BANK1: variants seen among roughly 807,000 people sequenced by gnomAD.
The protein encoded by BANK1 is B cell scaffold protein with ankyrin repeats 1, also known as B-cell scaffold protein with ankyrin repeats.
BANK1 carries 95 observed loss-of-function variants against 94.5 expected under a neutral mutation model. The observed-to-expected ratio is 1.00, with a 90% confidence interval of 0.85 to 1.19. The LOEUF (loss-of-function observed/expected upper bound fraction) is 1.19, where lower values mean the gene tolerates loss of function less well. Among genes scored for constraint, BANK1 ranks in the 50% most tolerant of loss-of-function variants. The probability of loss-of-function intolerance (pLI) is 0.00; values close to 1 mark genes in which losing one functional copy is unlikely to be tolerated. For synonymous variants in BANK1, 334 were observed against 308.4 expected (o/e 1.08, Z -0.87); for missense variants, 987 against 932.2 (o/e 1.06, Z -0.77).
intron 7 of BANK1, among the ~76,000 whole-genome samples, chr4:102,017,187 T>C (rs983142440): frequency 6.6e-6 from 1 of 152,228 alleles, no homozygotes; most frequent in African/African-American, 2.4e-5. Flanking sequence ...AAGGTAGTTA[T>C]CTTTTACATT....
At chr4:102,010,503 C>G (rs1486946440) in intron 7 of BANK1, among the ~76,000 whole-genome samples, 2 of 150,778 alleles carry the variant, frequency 1.3e-5, no homozygotes, top group African/African-American at 4.9e-5. Flanking sequence ...AGCAACTCTC[C>G]TGCCTCAGCC....
At chr4:101,849,532 C>T (rs957668795) in intron 2 of BANK1, among the ~76,000 whole-genome samples, 1 of 151,936 alleles carries the variant, frequency 6.6e-6, no homozygotes, top group Non-Finnish European at 1.5e-5. Context: ...CACACACACA[C>T]AAATATATAA....
At chr4:101,882,890 A>G (rs1728730028) in intron 5 of BANK1, among the ~76,000 whole-genome samples, 1 of 151,804 alleles carries the variant, frequency 6.6e-6, no homozygotes, top group African/African-American at 2.4e-5. Context: ...CTGTCCGTCC[A>G]AAGGAGAAGC....
chr4:102,020,217 T>A (rs1158297458), intron 7 of BANK1, among the ~76,000 whole-genome samples: 2 of 152,024 alleles, frequency 1.3e-5, no homozygotes, highest in East Asian at 3.9e-4. Flanking sequence ...GTACTATGGG[T>A]TTTCAAAATA....
chr4:101,843,882 G>A (rs766380741), intron 2 of BANK1, among the ~76,000 whole-genome samples: 20 of 152,136 alleles, frequency 1.3e-4, no homozygotes, highest in Middle Eastern at 6.8e-3. Flanking sequence ...ATACCACACC[G>A]TTGCACTCCA....
intron 7 of BANK1, among the ~76,000 whole-genome samples, chr4:101,951,585 T>C (rs1330433273): frequency 6.6e-6 from 1 of 152,116 alleles, no homozygotes; most frequent in African/African-American, 2.4e-5. Flanking sequence ...TTAGACTGTT[T>C]CTTTGTAAGA....
chr4:101,971,369 T>A (rs900834625), intron 7 of BANK1, among the ~76,000 whole-genome samples: 14 of 152,110 alleles, frequency 9.2e-5, no homozygotes, highest in Non-Finnish European at 1.8e-4. Flanking sequence ...ATGGTAAGAC[T>A]TGAGATACAG....
At chr4:101,804,041 A>AG (rs1411396122) in intron 1 of BANK1, among the ~76,000 whole-genome samples, 11 of 150,630 alleles carry the variant, frequency 7.3e-5, no homozygotes, top group Non-Finnish European at 1.2e-4. Context: ...ATATAAAAAA[A>AG]AGAAAAAATT....
intron 1 of BANK1, among the ~76,000 whole-genome samples, chr4:101,816,078 C>A (rs1180040414): frequency 6.6e-6 from 1 of 152,142 alleles, no homozygotes; most frequent in East Asian, 1.9e-4. Context: ...TTTCTTACAA[C>A]CATATAAAAC....
intron 1 of BANK1, among the ~76,000 whole-genome samples, chr4:101,821,371 A>G (rs989497877): frequency 6.6e-6 from 1 of 152,164 alleles, no homozygotes; most frequent in Non-Finnish European, 1.5e-5. Context: ...TCAGATGCGT[A>G]GTTTGCAAAA....
In BANK1 at chr4:101,829,921, T is replaced by G; in HGVS notation, c.184T>G (p.Leu62Val). The G allele has an allele frequency of 6.2e-7, 1 of 1,614,010 alleles. No individual in the cohort carries two copies. The highest frequency in any genetic ancestry group is 8.5e-7 in the Non-Finnish European group (1 of 1,179,940). ...VKREAILLYR[L>V]ENFSFRHLEL... is the part of the protein sequence containing the mutation. ...AAGGGAAGCCATCCTGTTATATCGCTTGGAGAATTTCTCTTTTCGGCATTT... is the reference window on the plus strand; with the variant it reads ...AAGGGAAGCCATCCTGTTATATCGCGTGGAGAATTTCTCTTTTCGGCATTT... Residue 62 changes from leucine to valine, a missense_variant, in exon 2 of 17, where the codon TTG becomes GTG. Transcript: ENST00000322953.
intron 12 of BANK1, chr4:102,061,339 T>C (rs1238058027): frequency 6.6e-6 from 1 of 152,222 alleles, no homozygotes; most frequent in Non-Finnish European, 1.5e-5. Context: ...AGAAACCACC[T>C]GTCTCTAAGG....
At chr4:101,816,557 C>CTTTTTT (rs34692783) in intron 1 of BANK1, among the ~76,000 whole-genome samples, 1 of 138,618 alleles carries the variant, frequency 7.2e-6, no homozygotes, top group Non-Finnish European at 1.6e-5. Context: ...TGCCATGCTT[C>CTTTTTT]TTTTTTTTTT....
chr4:101,926,766 T>G (rs888118659), intron 7 of BANK1, among the ~76,000 whole-genome samples: 1 of 151,772 alleles, frequency 6.6e-6, no homozygotes, highest in Admixed American at 6.6e-5. Flanking sequence ...AGGAGTACTT[T>G]TTGGTAACTG....
At position 102,074,635 on chromosome 4, in the gene BANK1, C is replaced by CTAT. The variant is rs1344856003; in HGVS notation, c.*641_*643dup. On this transcript the variant is annotated 3_prime_UTR_variant, in exon 17 of 17. Coordinates refer to ENST00000322953, the MANE Select transcript of BANK1 (RefSeq NM_017935.5). ...TATTAAGACTTGCAATTTTATCAAT[C>CTAT]TATTATTTCTTAGAAACAATTTACT... 5 of 151,968 alleles carry CTAT rather than the reference C, an allele frequency of 3.3e-5. No homozygotes were observed. In the East Asian group the frequency reaches 9.6e-4, roughly 29 times the overall value. 9.4% of individuals were successfully genotyped at this position (151,968 alleles called of 1,614,324 possible).
chr4:101,906,570 C>A (rs987997546), intron 6 of BANK1, among the ~76,000 whole-genome samples: 10 of 152,144 alleles, frequency 6.6e-5, no homozygotes, highest in African/African-American at 2.4e-4. Context: ...CTTTCCCTTC[C>A]TTTGCCGCTT....
intron 3 of BANK1, among the ~76,000 whole-genome samples, chr4:101,858,923 C>T (rs1401656069): frequency 1.3e-5 from 2 of 152,052 alleles, no homozygotes; most frequent in African/African-American, 4.8e-5. Context: ...CTTCGACAGA[C>T]CATGGATTAT....
intron 9 of BANK1, among the ~76,000 whole-genome samples, chr4:102,027,137 A>G (rs957570572): frequency 7.2e-5 from 11 of 152,304 alleles, no homozygotes; most frequent in African/African-American, 2.6e-4. Flanking sequence ...AAATTCTGGC[A>G]TATTTTTCTC....
At chr4:102,014,111 C>T (rs536023716) in intron 7 of BANK1, among the ~76,000 whole-genome samples, 2 of 152,150 alleles carry the variant, frequency 1.3e-5, no homozygotes, top group Admixed American at 1.3e-4. Context: ...AAACTCTTAA[C>T]CTATACAACC....
Sources: gnomAD v4.1 joint callset for allele counts (sites outside exome capture counted in the v4.1 genomes callset) on GRCh38, gnomAD v4.1.1 for gene constraint, MANE v1.5 for transcripts, NCBI Gene and HGNC (gene_info 2026-07-23, HGNC 2026-07-21) for gene names.